ULK4: variants seen among roughly 807,000 people sequenced by gnomAD.
ULK4 encodes inactive serine/threonine-protein kinase ULK4.
A neutral mutation model predicts 160.6 loss-of-function variants in ULK4; 133 were observed. The ratio of observed to expected loss-of-function variants is 0.83; its 90% CI spans 0.72 to 0.96. ULK4 has a LOEUF of 0.96. ULK4 is among the 40% of genes least tolerant of loss of function. The pLI, the probability that ULK4 is intolerant of heterozygous loss-of-function variation, is 0.00. For synonymous variants in ULK4, 534 were observed against 539.8 expected (o/e 0.99, Z 0.15); for missense variants, 1,580 against 1,499.5 (o/e 1.05, Z -0.89).
intron 29 of ULK4, among the ~76,000 whole-genome samples, chr3:41,680,383 A>G (rs972135051): frequency 1.2e-4 from 18 of 152,170 alleles, no homozygotes; most frequent in African/African-American, 4.3e-4. Flanking sequence ...AAAAAGAAAC[A>G]AGAGGCTGGC....
At chr3:41,286,285 A>G (rs903968826) in intron 35 of ULK4, among the ~76,000 whole-genome samples, 2 of 152,048 alleles carry the variant, frequency 1.3e-5, no homozygotes, top group Non-Finnish European at 2.9e-5. Flanking sequence ...TTTAATCTCC[A>G]TTTTTCAGAG....
chr3:41,542,629 G>A (rs1450685357), intron 32 of ULK4, among the ~76,000 whole-genome samples: 5 of 152,198 alleles, frequency 3.3e-5, no homozygotes, highest in Admixed American at 2.0e-4. Flanking sequence ...GGTGGAATTC[G>A]GCTGTGAATC....
chr3:41,281,284 C>G (rs2079347328), intron 35 of ULK4, among the ~76,000 whole-genome samples: 1 of 152,138 alleles, frequency 6.6e-6, no homozygotes, highest in African/African-American at 2.4e-5. Flanking sequence ...AAGAAGGAAT[C>G]CTCCCTAACT....
intron 29 of ULK4, among the ~76,000 whole-genome samples, chr3:41,680,590 A>G (rs573038069): frequency 4.1e-4 from 62 of 152,298 alleles, no homozygotes; most frequent in Admixed American, 1.1e-3. Context: ...GAGAGTTCAA[A>G]CTCTTAACAT....
In ULK4 at chr3:41,920,897, C is replaced by T. The variant is rs566987018; in HGVS notation, c.542-1079G>A. ...CTGCTGAGGAAACAAAGACAAATAA[C>T]GCCCATGGAACACCCTTGCACTCTG... On this transcript the variant is annotated intron_variant, in intron 5 of 36. Coordinates refer to ENST00000301831, the MANE Select transcript of ULK4 (RefSeq NM_017886.4). Among the ~76,000 whole-genome samples the T allele has an allele frequency of 3.9e-5, 6 of 152,310 alleles. No homozygotes were observed. In the South Asian group the frequency reaches 1.0e-3, roughly 26 times the overall value.
chr3:41,339,183 G>T (rs1018930077), intron 35 of ULK4, among the ~76,000 whole-genome samples: 26 of 151,974 alleles, frequency 1.7e-4, no homozygotes, highest in African/African-American at 6.0e-4. Flanking sequence ...AGTGGACATT[G>T]CCAGGGCTTT....
intron 35 of ULK4, among the ~76,000 whole-genome samples, chr3:41,292,665 A>C (rs2079593993): frequency 6.6e-6 from 1 of 152,014 alleles, no homozygotes; most frequent in Non-Finnish European, 1.5e-5. Context: ...AGAAAAAAAG[A>C]CCAGATGTGG....
chr3:41,411,498 G>C (rs1298325623), intron 34 of ULK4, among the ~76,000 whole-genome samples: 2 of 150,222 alleles, frequency 1.3e-5, no homozygotes, highest in Non-Finnish European at 2.9e-5. Flanking sequence ...CGCTATCTCA[G>C]CTCACTGCAA....
intron 35 of ULK4, among the ~76,000 whole-genome samples, chr3:41,301,466 A>G (rs1265289632): frequency 6.6e-6 from 1 of 152,172 alleles, no homozygotes; most frequent in Non-Finnish European, 1.5e-5. Context: ...ATTTAATGGT[A>G]TATAGCCAGC....
chr3:41,827,909 G>T (rs900648083), intron 18 of ULK4, among the ~76,000 whole-genome samples: 10 of 151,930 alleles, frequency 6.6e-5, no homozygotes, highest in African/African-American at 1.9e-4. Flanking sequence ...AATAAAATAC[G>T]GGCAAACCAA....
chr3:41,930,318 T>C lies in ULK4; in HGVS notation c.541+1526A>G, dbSNP rs558190244. On this transcript the variant is annotated intron_variant, in intron 5 of 36. Transcript: ENST00000301831. ...AAAATGAAACTGGACCCCTTCCTTATACTCTATACAAAAATTAATTCAAGA... is the reference window on the plus strand; with the variant it reads ...AAAATGAAACTGGACCCCTTCCTTACACTCTATACAAAAATTAATTCAAGA... Among the ~76,000 whole-genome samples the C allele has an allele frequency of 5.3e-5, 8 of 152,142 alleles. No individual in the cohort carries two copies. The East Asian group carries it at 1.5e-3, about 29-fold the overall frequency.
At chr3:41,831,029 T>C (rs1343993788) in intron 18 of ULK4, among the ~76,000 whole-genome samples, 3 of 151,156 alleles carry the variant, frequency 2.0e-5, no homozygotes, top group Non-Finnish European at 4.4e-5. Context: ...TATTTATTTA[T>C]TTATTGATTT....
intron 19 of ULK4, among the ~76,000 whole-genome samples, chr3:41,817,061 G>A (rs1000107938): frequency 2.1e-5 from 3 of 146,008 alleles, no homozygotes; most frequent in African/African-American, 8.3e-5. Flanking sequence ...AGTGATGTGG[G>A]GAAACTGTGT....
chr3:41,853,383 T>A (rs983634573), intron 17 of ULK4, among the ~76,000 whole-genome samples: 1 of 152,104 alleles, frequency 6.6e-6, no homozygotes, highest in Non-Finnish European at 1.5e-5. Context: ...GATTAAATGA[T>A]ATGGGGTACA....
intron 17 of ULK4, among the ~76,000 whole-genome samples, chr3:41,849,522 G>T (rs1426250447): frequency 2.0e-5 from 3 of 152,212 alleles, no homozygotes; most frequent in African/African-American, 7.2e-5. Context: ...GAGCACAGGG[G>T]CTTCGTAGGG....
chr3:41,306,087 G>A (rs1250057208), intron 35 of ULK4, among the ~76,000 whole-genome samples: 1 of 148,998 alleles, frequency 6.7e-6, no homozygotes, highest in Non-Finnish European at 1.5e-5. Flanking sequence ...TGGGAAGTGA[G>A]GAGCGTCTCC....
intron 35 of ULK4, among the ~76,000 whole-genome samples, chr3:41,312,458 GA>G (rs1226569611): frequency 6.6e-6 from 1 of 151,936 alleles, no homozygotes; most frequent in Non-Finnish European, 1.5e-5. Context: ...ATTCATAATT[GA>G]AAGAAAAAAA....
chr3:41,552,524 C>T (rs940667894), intron 32 of ULK4, among the ~76,000 whole-genome samples: 2 of 151,506 alleles, frequency 1.3e-5, no homozygotes, highest in African/African-American at 2.4e-5. Context: ...AAAAAACTAC[C>T]TAGGAATAAA....
In ULK4 at chr3:41,357,954, A is replaced by G. The variant is rs77849176; in HGVS notation, c.3678+40125T>C. Reference sequence around the variant, plus strand: ...CAATAGCCTCATGTATAAAAAGAGAAAACTATTAGAAACCCATTCTACAGA... The same window carrying G: ...CAATAGCCTCATGTATAAAAAGAGAGAACTATTAGAAACCCATTCTACAGA... On this transcript the variant is annotated intron_variant, in intron 35 of 36. Transcript: ENST00000301831. Among the ~76,000 whole-genome samples the G allele has an allele frequency of 1.0e-2, 1,520 of 152,318 alleles. 14 individuals are homozygous for G. The highest frequency in any genetic ancestry group is 0.027 in the African/African-American group (1,110 of 41,570).
Sources: allele counts gnomAD v4.1 joint callset (sites outside exome capture counted in the v4.1 genomes callset), GRCh38; gene constraint gnomAD v4.1.1; transcripts MANE v1.5; gene names NCBI Gene and HGNC (gene_info 2026-07-23, HGNC 2026-07-21).